UNC80: variants seen among roughly 807,000 people sequenced by gnomAD.
UNC80 encodes the protein unc-80 subunit of NALCN channel complex.
UNC80 carries 164 observed loss-of-function variants against 384.6 expected under a neutral mutation model. That is an observed-to-expected ratio of 0.43 (90% CI 0.38 to 0.49). The LOEUF (loss-of-function observed/expected upper bound fraction) is 0.49, where lower values mean the gene tolerates loss of function less well. UNC80 is among the 20% of genes least tolerant of loss of function. The pLI is 0.00. For synonymous variants in UNC80, 1,486 were observed against 1,527.8 expected (o/e 0.97, Z 0.64); for missense variants, 3,330 against 4,143.0 (o/e 0.80, Z 5.39).
At position 209,884,019 on chromosome 2, in the gene UNC80, C is replaced by G. The variant is rs948098520; in HGVS notation, c.4110+2925C>G. Among the ~76,000 whole-genome samples the G allele has an allele frequency of 2.6e-5, 4 of 152,078 alleles. No homozygotes were observed. The South Asian group carries it at 6.2e-4, about 24-fold the overall frequency. On this transcript the variant is annotated intron_variant, in intron 25 of 64. Coordinates refer to ENST00000673920, the MANE Select transcript of UNC80 (RefSeq NM_001371986.1). Reference sequence around the variant, plus strand: ...TAACTTAATTAGTGTGCTTCCCCCCCTCCCCCACAAAGAAACAACTTCTGG... The same window carrying G: ...TAACTTAATTAGTGTGCTTCCCCCCGTCCCCCACAAAGAAACAACTTCTGG...
At chr2:209,920,741 T>C (rs868547133) in intron 33 of UNC80, among the ~76,000 whole-genome samples, 2 of 152,194 alleles carry the variant, frequency 1.3e-5, no homozygotes, top group South Asian at 2.1e-4. Context: ...GCCATATAAC[T>C]AACTGGCTTA....
chr2:209,965,578 G>A (rs113554806), intron 51 of UNC80, among the ~76,000 whole-genome samples: 4 of 151,152 alleles, frequency 2.6e-5, no homozygotes, highest in Non-Finnish European at 4.4e-5. Flanking sequence ...CCACCACCAC[G>A]CCCAGCTAAT....
At chr2:209,844,112 C>A (rs1229778861) in intron 21 of UNC80, among the ~76,000 whole-genome samples, 5 of 152,164 alleles carry the variant, frequency 3.3e-5, no homozygotes, top group Non-Finnish European at 7.4e-5. Context: ...ACTCTTTCCA[C>A]TCCTCACGAT....
chr2:209,966,115 C>T (rs2092734929), intron 51 of UNC80, among the ~76,000 whole-genome samples: 1 of 152,136 alleles, frequency 6.6e-6, no homozygotes. Flanking sequence ...TCCTACATTC[C>T]AGTTCCATAG....
chr2:209,969,765 C>T lies in UNC80; in HGVS notation c.8007-3C>T. On this transcript the variant is annotated splice_region_variant and splice_polypyrimidine_tract_variant and intron_variant, in intron 52 of 64. Coordinates refer to ENST00000673920, the MANE Select transcript of UNC80 (RefSeq NM_001371986.1). ...CGCTAATGGCGCCTATATTGTATTC[C>T]AGGCGACAGGTTGAGTGGGAGCCTG... is the stretch of plus-strand genomic sequence containing the variant. The T allele has an allele frequency of 6.4e-7, 1 of 1,551,576 alleles. No homozygotes were observed. The highest frequency in any genetic ancestry group is 8.7e-7 in the Non-Finnish European group (1 of 1,146,920).
rs1471722191 is a variant in UNC80, at chr2:209,954,208, G to A, written c.7395G>A (p.Ala2465=). Residue 2465 remains alanine (A), a synonymous_variant, in exon 48 of 65, where the codon GCG becomes GCA. Coordinates refer to ENST00000673920, the MANE Select transcript of UNC80 (RefSeq NM_001371986.1). ...ETVPAAREEI[A]ATAALATSLQ... ...TACCTGCTGCCCGAGAGGAGATTGC[G>A]GCCACTGCTGCTCTTGCGACGTCCC... 1.3e-5 allele frequency: 20 copies of A among 1,550,850 alleles called. No individual in the cohort carries two copies. The East Asian group carries it at 2.2e-4, about 17-fold the overall frequency.
intron 22 of UNC80, among the ~76,000 whole-genome samples, chr2:209,858,314 A>G (rs539888879): frequency 1.3e-5 from 2 of 152,338 alleles, no homozygotes; most frequent in South Asian, 4.1e-4. Flanking sequence ...GATAGCTACA[A>G]CAATTTCATT....
chr2:209,822,261 C>T (rs2080188423), intron 13 of UNC80, among the ~76,000 whole-genome samples: 1 of 152,172 alleles, frequency 6.6e-6, no homozygotes, highest in Admixed American at 6.6e-5. Flanking sequence ...ACCTTAGCAC[C>T]TTATCTATCA....
chr2:209,884,134 C>G (rs2085557182), intron 25 of UNC80, among the ~76,000 whole-genome samples: 1 of 152,040 alleles, frequency 6.6e-6, no homozygotes, highest in Non-Finnish European at 1.5e-5. Context: ...ACAGCATAAG[C>G]AAATTTTTTC....
At chr2:209,851,202 A>G (rs955600315) in intron 22 of UNC80, among the ~76,000 whole-genome samples, 1 of 152,092 alleles carries the variant, frequency 6.6e-6, no homozygotes, top group African/African-American at 2.4e-5. Context: ...TATAGCTCTC[A>G]GGTTGGCAAT....
intron 26 of UNC80, among the ~76,000 whole-genome samples, chr2:209,891,745 A>C (rs372668403): frequency 6.6e-6 from 1 of 152,162 alleles, no homozygotes; most frequent in South Asian, 2.1e-4. Flanking sequence ...TATCCATAAA[A>C]TGTCCTTAAT....
chr2:209,897,337 C>T lies in UNC80; in HGVS notation c.4581+924C>T, dbSNP rs114996995. ...AATCCTACGCAGGTCCTCTACCAGA[C>T]GCTACTCTTCCCTGACGGTAACCAC... On this transcript the variant is annotated intron_variant, in intron 28 of 64. Coordinates refer to ENST00000673920, the MANE Select transcript of UNC80 (RefSeq NM_001371986.1). 3.6e-3 allele frequency among the ~76,000 whole-genome samples: 549 copies of T among 152,326 alleles called. 5 individuals carry two copies. Among genetic ancestry groups the T allele is most frequent in the African/African-American group, 0.013 (526 of 41,572 alleles).
Position 209,975,849 on chromosome 2 carries a change from G to C in UNC80, c.8588-270G>C, listed in dbSNP as rs537950306. ...TCCTTTCAATTCAGTGGACCACATT[G>C]CTCTATATTTTCCAAGATAGTAGTT... is the stretch of plus-strand genomic sequence containing the variant. On this transcript the variant is annotated intron_variant, in intron 56 of 64. Coordinates refer to ENST00000673920, the MANE Select transcript of UNC80 (RefSeq NM_001371986.1). 2.0e-5 allele frequency among the ~76,000 whole-genome samples: 3 copies of C among 152,170 alleles called. No homozygotes were observed. In the East Asian group the frequency reaches 5.8e-4, roughly 29 times the overall value.
At chr2:209,837,806 C>T (rs1254474338) in intron 18 of UNC80, among the ~76,000 whole-genome samples, 2 of 148,244 alleles carry the variant, frequency 1.3e-5, no homozygotes, top group South Asian at 2.1e-4. Context: ...GAGTCTCGCT[C>T]TTTCGCCCAG....
intron 5 of UNC80, among the ~76,000 whole-genome samples, chr2:209,788,529 A>G (rs1007171538): frequency 6.7e-6 from 1 of 148,220 alleles, no homozygotes; most frequent in Non-Finnish European, 1.5e-5. Flanking sequence ...TACATACTAC[A>G]TACTAGTATA....
At chr2:209,978,825 A>T in intron 59 of UNC80, 117 bp downstream of exon 59, 1 of 1,032,756 alleles carries the variant, frequency 9.7e-7, no homozygotes, top group Non-Finnish European at 1.3e-6. Context: ...TCATTTTTAC[A>T]AAAGGAGTTC....
intron 60 of UNC80, 188 bp downstream of exon 60, chr2:209,982,505 G>C: frequency 1.6e-6 from 1 of 621,572 alleles, no homozygotes; most frequent in Non-Finnish European, 2.4e-6. Flanking sequence ...TCTAAGCCAA[G>C]CTAGTAGAAG....
chr2:209,889,347 C>T (rs2086121085), intron 26 of UNC80, among the ~76,000 whole-genome samples: 1 of 152,168 alleles, frequency 6.6e-6, no homozygotes, highest in African/African-American at 2.4e-5. Flanking sequence ...GTTTTCTAGA[C>T]AGTGGTATTT....
Position 209,890,913 on chromosome 2 carries a change from T to G in UNC80, c.4276+2653T>G, listed in dbSNP as rs182153915. Among the ~76,000 whole-genome samples, 250 of 152,334 alleles carry G rather than the reference T, an allele frequency of 1.6e-3. 1 individual carries two copies. The highest frequency in any genetic ancestry group is 5.8e-3 in the African/African-American group (241 of 41,586). On this transcript the variant is annotated intron_variant, in intron 26 of 64. Coordinates refer to ENST00000673920, the MANE Select transcript of UNC80 (RefSeq NM_001371986.1). ...TTTTAAGTTGCCCTCTAGAGCCTCC[T>G]TTAAACTGCCAACTTCACTATTTGA...
Sources: gnomAD v4.1 joint callset for allele counts (sites outside exome capture counted in the v4.1 genomes callset) on GRCh38, gnomAD v4.1.1 for gene constraint, MANE v1.5 for transcripts, NCBI Gene and HGNC (gene_info 2026-07-23, HGNC 2026-07-21) for gene names.